PPP1R14C: variants seen among roughly 807,000 people sequenced by gnomAD.
PPP1R14C encodes protein phosphatase 1 regulatory subunit 14C.
Under a neutral mutation model 20.4 loss-of-function variants are expected in PPP1R14C, and 16 were observed. The ratio of observed to expected loss-of-function variants is 0.78; its 90% confidence interval spans 0.53 to 1.19. The LOEUF (loss-of-function observed/expected upper bound fraction) is 1.19. PPP1R14C is among the 50% of genes most tolerant of loss of function. The probability of loss-of-function intolerance (pLI) is 0.00; values close to 1 mark genes in which losing one functional copy is unlikely to be tolerated. For synonymous variants in PPP1R14C, 91 were observed against 91.0 expected (o/e 1.00, Z 0.00); for missense variants, 211 against 220.1 (o/e 0.96, Z 0.26).
Position 150,249,195 on chromosome 6 carries a change from TA to T in PPP1R14C, c.*376del, listed in dbSNP as rs543530467. On this transcript the variant is annotated 3_prime_UTR_variant, in exon 4 of 4. Transcript: ENST00000361131. ...AGTTTTCTTACAAGTAGTTTGGTAA[TA>T]TTTTTTTTCTTAAGTTGTACATTTG... 5.3e-5 allele frequency: 21 copies of T among 399,136 alleles called. No individual in the cohort carries two copies. Among genetic ancestry groups the T allele is most frequent in the East Asian group, 3.6e-4 (10 of 28,102 alleles). 24.7% of individuals were successfully genotyped at this position (399,136 alleles called of 1,614,324 possible).
chr6:150,247,889 A>C (rs564540509), intron 3 of PPP1R14C, among the ~76,000 whole-genome samples: 54 of 152,314 alleles, frequency 3.5e-4, no homozygotes, highest in Non-Finnish European at 6.8e-4. Flanking sequence ...TCCCTGTCTT[A>C]GTAGTCAATT....
rs11965489 is a variant in PPP1R14C, at chr6:150,196,511, G to T, written c.307-18233G>T. ...GAGTATGTTCTCCTCAATCCAAATTGTTCCCTGCTCAGGAGAAAATAAAGC... is the reference window on the plus strand; with the variant it reads ...GAGTATGTTCTCCTCAATCCAAATTTTTCCCTGCTCAGGAGAAAATAAAGC... On this transcript the variant is annotated intron_variant, in intron 1 of 3. Coordinates refer to ENST00000361131, the MANE Select transcript of PPP1R14C (RefSeq NM_030949.3). 8.4e-3 allele frequency among the ~76,000 whole-genome samples: 1,263 copies of T among 150,240 alleles called. 14 individuals are homozygous for T. Among genetic ancestry groups the T allele is most frequent in the African/African-American group, 0.03 (1,206 of 40,700 alleles).
At chr6:150,202,993 T>C (rs974284695) in intron 1 of PPP1R14C, among the ~76,000 whole-genome samples, 6 of 152,246 alleles carry the variant, frequency 3.9e-5, no homozygotes, top group African/African-American at 1.4e-4. Flanking sequence ...ATTAGTGTTG[T>C]ATCTTGGTTA....
intron 1 of PPP1R14C, among the ~76,000 whole-genome samples, chr6:150,181,972 T>A (rs1024990439): frequency 1.3e-5 from 2 of 152,198 alleles, no homozygotes; most frequent in African/African-American, 4.8e-5. Context: ...AAGTGGGAAA[T>A]AGGATTCAGT....
Position 150,169,423 on chromosome 6 carries a change from A to G in PPP1R14C, c.306+25925A>G, listed in dbSNP as rs144927237. ...TAGAAACAATAAAATAAGAACTTAC[A>G]TATGACGTCTTTGAACTGTTGAACA... On this transcript the variant is annotated intron_variant, in intron 1 of 3. Coordinates refer to ENST00000361131, the MANE Select transcript of PPP1R14C (RefSeq NM_030949.3). Among the ~76,000 whole-genome samples the G allele has an allele frequency of 5.7e-3, 861 of 152,346 alleles. 7 individuals carry two copies. The highest frequency in any genetic ancestry group is 0.018 in the African/African-American group (755 of 41,584).
chr6:150,168,712 G>C (rs376036190), intron 1 of PPP1R14C, among the ~76,000 whole-genome samples: 1 of 152,094 alleles, frequency 6.6e-6, no homozygotes, highest in Non-Finnish European at 1.5e-5. Flanking sequence ...CCTTAAGAGC[G>C]TAAGAATAGG....
chr6:150,237,663 T>A (rs1309112858), intron 3 of PPP1R14C, among the ~76,000 whole-genome samples: 1 of 152,244 alleles, frequency 6.6e-6, no homozygotes, highest in Non-Finnish European at 1.5e-5. Flanking sequence ...CATCTCATCA[T>A]TTAATCCTTA....
At chr6:150,157,852 G>A (rs1777321463) in intron 1 of PPP1R14C, among the ~76,000 whole-genome samples, 1 of 152,184 alleles carries the variant, frequency 6.6e-6, no homozygotes, top group African/African-American at 2.4e-5. Context: ...TGTGACCCAA[G>A]CTCTTCCCAT....
intron 1 of PPP1R14C, among the ~76,000 whole-genome samples, chr6:150,179,681 C>G (rs1194702984): frequency 2.6e-5 from 4 of 152,074 alleles, no homozygotes; most frequent in African/African-American, 9.6e-5. Context: ...TGAAGGCTCT[C>G]TTACACAGGT....
intron 1 of PPP1R14C, among the ~76,000 whole-genome samples, chr6:150,182,850 A>G (rs1036882480): frequency 2.0e-5 from 3 of 152,230 alleles, no homozygotes; most frequent in African/African-American, 7.2e-5. Context: ...CCTAGATGGT[A>G]CAGCCTACGA....
intron 3 of PPP1R14C, among the ~76,000 whole-genome samples, chr6:150,217,849 A>AG (rs1194204271): frequency 6.6e-6 from 1 of 152,200 alleles, no homozygotes; most frequent in Admixed American, 6.5e-5. Context: ...TCTAATTAAA[A>AG]GGGGGGAGGA....
intron 1 of PPP1R14C, among the ~76,000 whole-genome samples, chr6:150,205,069 A>G (rs1053732690): frequency 3.3e-5 from 5 of 151,852 alleles, no homozygotes; most frequent in African/African-American, 1.2e-4. Flanking sequence ...TTTTGCTAAA[A>G]TGAATTGCTA....
intron 1 of PPP1R14C, among the ~76,000 whole-genome samples, chr6:150,198,691 G>A (rs982277572): frequency 2.6e-5 from 4 of 152,212 alleles, no homozygotes; most frequent in South Asian, 4.1e-4. Flanking sequence ...AGCAGTGGCC[G>A]AGGAATGGTG....
At chr6:150,183,218 G>A (rs1358727) in intron 1 of PPP1R14C, among the ~76,000 whole-genome samples, 88,190 of 151,280 alleles carry the variant, frequency 0.58, 26,201 homozygotes, top group African/African-American at 0.71. Flanking sequence ...ATCTCGGACT[G>A]TTAGCAAGCA....
chr6:150,143,591 A>G lies in PPP1R14C; in HGVS notation c.306+93A>G. 1.1e-6 allele frequency: 1 copy of G among 935,450 alleles called. No homozygotes were observed. The highest frequency in any genetic ancestry group is 1.6e-6 in the Non-Finnish European group (1 of 631,618). 57.9% of individuals were successfully genotyped at this position (935,450 alleles called of 1,614,324 possible). A position where few individuals can be genotyped will look rare whatever the true frequency, so the allele number is the denominator to read the frequency against. The stretch of plus-strand genomic sequence containing the variant: ...CCCGGGCTCCAGCTCCGGGGCGCGC[A>G]TGTCCCTGACTCCCGGGGACCAAGT... On this transcript the variant is annotated intron_variant, in intron 1 of 3. Transcript: ENST00000361131. This position sits in a 1 kb window ranked among gnomAD's most constrained non-coding sequence, Gnocchi z 5.6.
chr6:150,218,438 T>C (rs565087482), intron 3 of PPP1R14C, among the ~76,000 whole-genome samples: 33 of 149,960 alleles, frequency 2.2e-4, no homozygotes, highest in Non-Finnish European at 4.0e-4. Flanking sequence ...ATATTATATG[T>C]ATATATTTAA....
At chr6:150,167,943 G>GTCCTCCCCTTTCTCTCCTCCCCCT (rs1777442356) in intron 1 of PPP1R14C, among the ~76,000 whole-genome samples, 1 of 9,962 alleles carries the variant, frequency 1.0e-4, no homozygotes, top group African/African-American at 4.0e-4. Context: ...CCATGTCTCC[G>GTCCTCCCCTTTCTCTCCTCCCCCT]TTCTCCCCTT....
chr6:150,188,518 G>A (rs1015355015), intron 1 of PPP1R14C, among the ~76,000 whole-genome samples: 1 of 115,934 alleles, frequency 8.6e-6, no homozygotes, highest in Non-Finnish European at 1.6e-5. Flanking sequence ...ACGGAGTCTC[G>A]CCCTATTGCC....
At chr6:150,178,455 T>C (rs1582905572) in intron 1 of PPP1R14C, among the ~76,000 whole-genome samples, 2 of 152,168 alleles carry the variant, frequency 1.3e-5, no homozygotes, top group African/African-American at 2.4e-5. Flanking sequence ...TCACAGCAGG[T>C]GAGGTTGTGT....
Sources: allele counts gnomAD v4.1 joint callset (sites outside exome capture counted in the v4.1 genomes callset), GRCh38; gene constraint gnomAD v4.1.1; non-coding constraint Gnocchi (gnomAD v3.1); transcripts MANE v1.5; gene names NCBI Gene and HGNC (gene_info 2026-07-23, HGNC 2026-07-21).